RBFOX1: variants seen among roughly 807,000 people sequenced by gnomAD.
The protein encoded by RBFOX1 is RNA binding fox-1 homolog 1.
Under a neutral mutation model 57.7 loss-of-function variants are expected in RBFOX1, and 8 were observed. The ratio of observed to expected loss-of-function variants is 0.14; its 90% confidence interval spans 0.08 to 0.25. RBFOX1 has a LOEUF of 0.25. Ranked by LOEUF, RBFOX1 falls within the 10% of genes least tolerant of loss-of-function variation. The pLI is 1.00. For synonymous variants in RBFOX1, 326 were observed against 222.4 expected (o/e 1.47, Z -4.15); for missense variants, 611 against 548.5 (o/e 1.11, Z -1.14).
At chr16:6,483,495 C>G (rs917076204) in intron 2 of RBFOX1, 4 of 1,535,684 alleles carry the variant, frequency 2.6e-6, no homozygotes, top group Admixed American at 2.0e-5. Flanking sequence ...ACTTTGCAGC[C>G]GACAATGAAA....
chr16:6,714,201 G>A (rs536797383), intron 3 of RBFOX1, among the ~76,000 whole-genome samples: 1 of 152,190 alleles, frequency 6.6e-6, no homozygotes, highest in Non-Finnish European at 1.5e-5. Flanking sequence ...CTTCTGCCAA[G>A]ATTGTAGGTT....
chr16:7,271,355 G>T (rs576715138), intron 4 of RBFOX1, among the ~76,000 whole-genome samples: 3 of 151,542 alleles, frequency 2.0e-5, no homozygotes, highest in Admixed American at 1.3e-4. Context: ...TTTCTTGGGG[G>T]GAGCTCGTAT....
At chr16:6,952,593 A>G (rs7404752) in intron 3 of RBFOX1, among the ~76,000 whole-genome samples, 91,269 of 151,706 alleles carry the variant, frequency 0.6, 27,662 homozygotes, top group Middle Eastern at 0.66. Flanking sequence ...AGCCATGATC[A>G]TGCCACTGGA....
chr16:6,340,481 C>T (rs774711991), intron 2 of RBFOX1, among the ~76,000 whole-genome samples: 2 of 152,198 alleles, frequency 1.3e-5, no homozygotes, highest in African/African-American at 2.4e-5. Flanking sequence ...ACAAGGGCTG[C>T]TGGTTGCCTG....
intron 3 of RBFOX1, among the ~76,000 whole-genome samples, chr16:5,820,637 C>G (rs932274751): frequency 6.6e-6 from 1 of 152,160 alleles, no homozygotes; most frequent in South Asian, 2.1e-4. Context: ...GGAACGTTTT[C>G]CCCATGAATC....
At chr16:6,201,457 C>G (rs2097214634) in intron 1 of RBFOX1, among the ~76,000 whole-genome samples, 1 of 152,080 alleles carries the variant, frequency 6.6e-6, no homozygotes, top group East Asian at 1.9e-4. Flanking sequence ...CACATCCTGG[C>G]CAGTATTCAT....
chr16:7,217,023 C>CCCTTCCCTCCCTCCCTCCCTT (rs1567748487), intron 4 of RBFOX1, among the ~76,000 whole-genome samples: 3 of 84,056 alleles, frequency 3.6e-5, no homozygotes, highest in African/African-American at 4.8e-5. Flanking sequence ...CTCCCTCCCT[C>CCCTTCCCTCCCTCCCTCCCTT]CCTCCCTCCC....
intron 4 of RBFOX1, among the ~76,000 whole-genome samples, chr16:7,068,172 C>T (rs890844617): frequency 6.6e-6 from 1 of 151,970 alleles, no homozygotes; most frequent in African/African-American, 2.4e-5. Flanking sequence ...AATTATAATT[C>T]CATTGGCAAA....
chr16:5,757,440 C>T (rs186606851), intron 3 of RBFOX1, among the ~76,000 whole-genome samples: 2 of 151,870 alleles, frequency 1.3e-5, no homozygotes, highest in Non-Finnish European at 1.5e-5. Flanking sequence ...CCATTTTGGC[C>T]GGGATGGTCT....
chr16:5,261,284 C>T (rs2062724978), intron 1 of RBFOX1, among the ~76,000 whole-genome samples: 2 of 151,984 alleles, frequency 1.3e-5, no homozygotes, highest in South Asian at 4.2e-4. Context: ...AATGGATTCA[C>T]CTCTCATCAC....
At chr16:5,897,932 A>G (rs1244450417) in intron 4 of RBFOX1, among the ~76,000 whole-genome samples, 1 of 151,956 alleles carries the variant, frequency 6.6e-6, no homozygotes. Flanking sequence ...TGGAAAACCA[A>G]GAGTTTAGGT....
At chr16:7,255,136 T>C (rs1303226913) in intron 4 of RBFOX1, among the ~76,000 whole-genome samples, 1 of 152,178 alleles carries the variant, frequency 6.6e-6, no homozygotes, top group African/African-American at 2.4e-5. Context: ...CTCCGATCTT[T>C]GCAACACTGT....
At chr16:6,931,838 C>T (rs1405632798) in intron 3 of RBFOX1, among the ~76,000 whole-genome samples, 1 of 152,050 alleles carries the variant, frequency 6.6e-6, no homozygotes, top group Admixed American at 6.6e-5. Context: ...TCGGAAAGTC[C>T]AAGAGCATGG....
At position 5,333,233 on chromosome 16, in the gene RBFOX1, T is replaced by C. The variant is rs553878744; in HGVS notation, c.219+93128T>C. 7.2e-4 allele frequency among the ~76,000 whole-genome samples: 110 copies of C among 152,284 alleles called. 1 individual carries two copies. Among genetic ancestry groups the C allele is most frequent in the African/African-American group, 2.6e-3 (109 of 41,548 alleles). On this transcript the variant is annotated intron_variant, in intron 1 of 2. Coordinates refer to the RBFOX1 transcript ENST00000585867. ...AACTACACTAGAAAGATAAGATTGA[T>C]CATTAAATGCAGGGGCTGACAAACC...
At chr16:6,744,203 A>C (rs965429863) in intron 3 of RBFOX1, among the ~76,000 whole-genome samples, 7 of 152,130 alleles carry the variant, frequency 4.6e-5, no homozygotes, top group African/African-American at 1.7e-4. Flanking sequence ...TATGCACCTC[A>C]ACTTTAAAAT....
At chr16:5,403,137 G>A (rs562300939) in intron 1 of RBFOX1, among the ~76,000 whole-genome samples, 1 of 152,144 alleles carries the variant, frequency 6.6e-6, no homozygotes, top group East Asian at 1.9e-4. Context: ...GATCACCTGA[G>A]GTTGGGAGTT....
At position 7,208,663 on chromosome 16, in the gene RBFOX1, G is replaced by T. The variant is rs9925391; in HGVS notation, c.27+156565G>T. On this transcript the variant is annotated intron_variant, in intron 4 of 15. Transcript: ENST00000550418. ...GCAACCTGGGCAACATAGCAAGACC[G>T]TATCTCAACAAAAAATTAAAAAGAT... 6.6e-5 allele frequency among the ~76,000 whole-genome samples: 10 copies of T among 151,904 alleles called. No homozygotes were observed. The South Asian group carries it at 2.1e-3, about 32-fold the overall frequency.
intron 9 of RBFOX1, 101 bp downstream of exon 9, chr16:7,597,532 A>G (rs1485775286): frequency 2.8e-6 from 3 of 1,064,442 alleles, no homozygotes; most frequent in Non-Finnish European, 2.7e-6. Flanking sequence ...TTGCCTGGGC[A>G]TTGACACTGT....
intron 11 of RBFOX1, among the ~76,000 whole-genome samples, chr16:7,645,396 C>T (rs559510541): frequency 6.3e-4 from 96 of 152,222 alleles, no homozygotes; most frequent in African/African-American, 2.1e-3. Context: ...AGGGACAATC[C>T]CTGAGTCATT....
Sources: gnomAD v4.1 joint callset for allele counts (sites outside exome capture counted in the v4.1 genomes callset) on GRCh38, gnomAD v4.1.1 for gene constraint, MANE v1.5 for transcripts, NCBI Gene and HGNC (gene_info 2026-07-23, HGNC 2026-07-21) for gene names.